The following ACOT7 variants were observed in gnomAD, a reference collection of about 807,000 sequenced individuals.
The protein encoded by ACOT7 is cytosolic acyl coenzyme A thioester hydrolase.
A neutral mutation model predicts 40.2 loss-of-function variants in ACOT7; 12 were observed. That is an observed-to-expected ratio of 0.30 (90% CI 0.19 to 0.48). The LOEUF is 0.48. Ranked by LOEUF, ACOT7 falls within the 20% of genes least tolerant of loss-of-function variation. The pLI is 0.99. For synonymous variants in ACOT7, 228 were observed against 219.5 expected (o/e 1.04, Z -0.34); for missense variants, 395 against 530.8 (o/e 0.74, Z 2.51).
chr1:6,391,222 G>T (rs1198394989), intron 1 of ACOT7, among the ~76,000 whole-genome samples: 1 of 151,736 alleles, frequency 6.6e-6, no homozygotes, highest in Non-Finnish European at 1.5e-5. Context: ...TTTCCAGCTG[G>T]GTGCGGTGGT....
intron 1 of ACOT7, among the ~76,000 whole-genome samples, chr1:6,367,400 C>T: frequency 6.6e-6 from 1 of 152,198 alleles, no homozygotes; most frequent in East Asian, 1.9e-4. Flanking sequence ...GCCTGGCAGG[C>T]TGCGCTTGGC....
chr1:6,312,765 G>A (rs1009192611), intron 6 of ACOT7, among the ~76,000 whole-genome samples: 1 of 152,166 alleles, frequency 6.6e-6, no homozygotes, highest in African/African-American at 2.4e-5. Context: ...ACCGCACCTG[G>A]CCGATGTACT....
chr1:6,271,860 C>T (rs1002745823), intron 8 of ACOT7, among the ~76,000 whole-genome samples: 4 of 152,264 alleles, frequency 2.6e-5, no homozygotes, highest in African/African-American at 9.6e-5. Flanking sequence ...GGCGTAAAGG[C>T]CAACGGGAGG....
intron 6 of ACOT7, among the ~76,000 whole-genome samples, chr1:6,302,414 G>T (rs922132711): frequency 2.6e-5 from 4 of 152,140 alleles, no homozygotes; most frequent in African/African-American, 9.7e-5. Context: ...TTGGCCTTGC[G>T]ACAGCGAAGG....
intron 3 of ACOT7, among the ~76,000 whole-genome samples, chr1:6,335,857 G>A (rs897756628): frequency 6.6e-6 from 1 of 152,226 alleles, no homozygotes; most frequent in Non-Finnish European, 1.5e-5. Flanking sequence ...GACTGAGAGT[G>A]AATCTGACAA....
intron 5 of ACOT7, 51 bp downstream of exon 5, chr1:6,327,248 A>G (rs754336098): frequency 6.3e-7 from 1 of 1,581,580 alleles, no homozygotes; most frequent in Admixed American, 1.7e-5. Context: ...CCTGCCTCCT[A>G]TGCGTCCCCG....
rs546550215 is a variant in ACOT7, at chr1:6,314,728, C to T, written c.712+3764G>A. ...AGACAGAAACCAAAAGCCCAGTTTG[C>T]CCTCTTCACATGCCCTTCAACCCAG... On this transcript the variant is annotated intron_variant, in intron 6 of 8. Transcript: ENST00000361521. 5.8e-4 allele frequency among the ~76,000 whole-genome samples: 89 copies of T among 152,262 alleles called. 1 individual carries two copies. In the South Asian group the frequency reaches 0.018, roughly 31 times the overall value.
chr1:6,358,799 C>T lies in ACOT7; in HGVS notation c.144-8933G>A, dbSNP rs12722756. ...TCCACCCACAGTGGCCCCTGCACGG[C>T]CTAGACATGCCCATGACTGGCAGTA... On this transcript the variant is annotated intron_variant, in intron 1 of 8. Transcript: ENST00000361521. The surrounding 1 kb of genome is among the most constrained non-coding windows in gnomAD (Gnocchi z 4.1). 6.2e-7 allele frequency: 1 copy of T among 1,611,148 alleles called. No homozygotes were observed. Among genetic ancestry groups the T allele is most frequent in the South Asian group, 1.1e-5 (1 of 90,990 alleles).
chr1:6,345,120 G>A (rs1055710349), intron 2 of ACOT7, among the ~76,000 whole-genome samples: 23 of 152,236 alleles, frequency 1.5e-4, no homozygotes, highest in Non-Finnish European at 1.5e-5. Flanking sequence ...CCAGCAGCCA[G>A]TGCCTCGGAT....
At chr1:6,354,010 G>A (rs1163001159) in intron 1 of ACOT7, among the ~76,000 whole-genome samples, 3 of 152,142 alleles carry the variant, frequency 2.0e-5, no homozygotes, top group Non-Finnish European at 2.9e-5. Context: ...AATGTCACCC[G>A]GGCCCACAGC....
Position 6,358,987 on chromosome 1 carries a change from T to G in ACOT7, c.144-9121A>C, listed in dbSNP as rs1204746087. 2.1e-6 allele frequency: 3 copies of G among 1,415,222 alleles called. No homozygotes were observed. The African/African-American group carries it at 4.3e-5, about 20-fold the overall frequency. 87.7% of individuals were successfully genotyped at this position (1,415,222 alleles called of 1,614,324 possible). A position where few individuals can be genotyped will look rare whatever the true frequency, so the allele number is the denominator to read the frequency against. ...GGAGCACCCCCCACCCCCAGCTTCC[T>G]GAGCTGCCCAATCTGGCCAGGAAGA... On this transcript the variant is annotated intron_variant, in intron 1 of 8. Coordinates refer to ENST00000361521, the MANE Select transcript of ACOT7 (RefSeq NM_007274.4). This position sits in a 1 kb window ranked among gnomAD's most constrained non-coding sequence, Gnocchi z 4.1.
At chr1:6,387,011 C>T (rs1006781408) in intron 1 of ACOT7, among the ~76,000 whole-genome samples, 1 of 152,174 alleles carries the variant, frequency 6.6e-6, no homozygotes, top group Admixed American at 6.5e-5. Context: ...TCCCAAGTCT[C>T]TGTGGCCTGG....
chr1:6,319,617 C>A (rs1640589129), intron 5 of ACOT7, among the ~76,000 whole-genome samples: 1 of 152,264 alleles, frequency 6.6e-6, no homozygotes, highest in African/African-American at 2.4e-5. Flanking sequence ...CATGTAGGGA[C>A]TATGTGGCCA....
chr1:6,310,047 ACGTCACCTTCAG>A (rs1184426719), intron 6 of ACOT7, among the ~76,000 whole-genome samples: 1 of 152,200 alleles, frequency 6.6e-6, no homozygotes, highest in Non-Finnish European at 1.5e-5. Context: ...CACCGTTCAC[ACGTCACCTTCAG>A]AAGTTAGGAC....
At chr1:6,283,256 C>T (rs1016136926) in intron 7 of ACOT7, among the ~76,000 whole-genome samples, 8 of 152,186 alleles carry the variant, frequency 5.3e-5, no homozygotes, top group African/African-American at 1.9e-4. Context: ...CTCTGTCTCC[C>T]AGGTTTAAGC....
At position 6,278,609 on chromosome 1, in the gene ACOT7, C is replaced by G. The variant is rs749187380; in HGVS notation, c.1014+2493G>C. ...CTGTATTTGTGATGCTTTTGGGAACCCTGTTGAGGGGCAGCACTGGCCAAG... is the reference window on the plus strand; with the variant it reads ...CTGTATTTGTGATGCTTTTGGGAACGCTGTTGAGGGGCAGCACTGGCCAAG... On this transcript the variant is annotated intron_variant, in intron 8 of 8. Transcript: ENST00000361521. The surrounding 1 kb of genome is among the most constrained non-coding windows in gnomAD (Gnocchi z 4.1). Among the ~76,000 whole-genome samples the G allele has an allele frequency of 1.1e-4, 16 of 152,096 alleles. No homozygotes were observed. The highest frequency in any genetic ancestry group is 1.5e-4 in the Non-Finnish European group (10 of 68,024).
chr1:6,320,028 T>C (rs902348612), intron 5 of ACOT7, among the ~76,000 whole-genome samples: 1 of 152,142 alleles, frequency 6.6e-6, no homozygotes, highest in Non-Finnish European at 1.5e-5. Flanking sequence ...CAAGAGAGGA[T>C]AGGGGAGGAA....
At chr1:6,268,344 C>G (rs989123055) in intron 8 of ACOT7, among the ~76,000 whole-genome samples, 3 of 152,182 alleles carry the variant, frequency 2.0e-5, no homozygotes, top group African/African-American at 7.2e-5. Context: ...GAGCTAATAA[C>G]TACACAGGAA....
intron 6 of ACOT7, among the ~76,000 whole-genome samples, chr1:6,316,269 G>A (rs1640491907): frequency 6.6e-6 from 1 of 152,186 alleles, no homozygotes; most frequent in South Asian, 2.1e-4. Context: ...TTCGAGGGAG[G>A]ACAGAGACAT....
Sources: gnomAD v4.1 joint callset for allele counts (sites outside exome capture counted in the v4.1 genomes callset) on GRCh38, gnomAD v4.1.1 for gene constraint, Gnocchi (gnomAD v3.1) non-coding constraint, MANE v1.5 for transcripts, NCBI Gene and HGNC (gene_info 2026-07-23, HGNC 2026-07-21) for gene names.